Variants in LIN37 observed in about 807,000 individuals in gnomAD.
LIN37 encodes lin-37 DREAM MuvB core complex component.
LIN37 carries 21 observed loss-of-function variants against 38.0 expected under a neutral mutation model. The ratio of observed to expected loss-of-function variants is 0.55; its 90% CI spans 0.39 to 0.80. The LOEUF (loss-of-function observed/expected upper bound fraction) is 0.80, where lower values mean the gene tolerates loss of function less well. Ranked by LOEUF, LIN37 falls within the 30% of genes least tolerant of loss-of-function variation. The pLI, the probability that LIN37 is intolerant of heterozygous loss-of-function variation, is 0.00. For missense variants in LIN37, 273 were observed against 338.5 expected, an observed-to-expected ratio of 0.81 and a Z score of 1.52; for synonymous variants, 126 against 122.9, an observed-to-expected ratio of 1.03 and a Z score of -0.17.
chr19:35,751,536 A>C (rs1970680857), intron 1 of LIN37, among the ~76,000 whole-genome samples: 1 of 151,838 alleles, frequency 6.6e-6, no homozygotes, highest in Non-Finnish European at 1.5e-5. Context: ...ATAGGAATAA[A>C]AATCATATCT....
At chr19:35,748,938 G>A (rs1970641031) in intron 1 of LIN37, 180 bp downstream of exon 1, 2 of 1,490,196 alleles carry the variant, frequency 1.3e-6, no homozygotes, top group Admixed American at 4.2e-5. Context: ...GTGTGCGCTT[G>A]AAGTCGCTTT....
intron 1 of LIN37, among the ~76,000 whole-genome samples, chr19:35,750,136 G>T (rs1432575261): frequency 2.6e-5 from 4 of 151,962 alleles, no homozygotes; most frequent in African/African-American, 9.7e-5. Flanking sequence ...GAGGCCTAGT[G>T]GACAGGCCAT....
At position 35,752,807 on chromosome 19, in the gene LIN37, C is replaced by T. The variant is rs1168535391; in HGVS notation, c.165C>T (p.Asp55=). 41 of 1,609,742 alleles carry T rather than the reference C, an allele frequency of 2.5e-5. No individual in the cohort carries two copies. Among genetic ancestry groups the T allele is most frequent in the Non-Finnish European group, 3.5e-5 (41 of 1,178,272 alleles). ...GGTCAACTGTCTTTCCCCACAGGGACTGCTCCATCGCAGCCACTGGCAAAA... is the reference window on the plus strand; with the variant it reads ...GGTCAACTGTCTTTCCCCACAGGGATTGCTCCATCGCAGCCACTGGCAAAA... The part of the protein sequence containing the change: ...GKTPSDTHNK[D]CSIAATGKRP... Residue 55 remains aspartate, a synonymous_variant, in exon 4 of 9, where the codon GAC becomes GAT. Coordinates refer to ENST00000301159, the MANE Select transcript of LIN37 (RefSeq NM_019104.3).
intron 6 of LIN37, chr19:35,753,757 C>T: frequency 3.5e-6 from 2 of 570,558 alleles, no homozygotes; most frequent in Non-Finnish European, 6.3e-6. Flanking sequence ...TTCCCTGAGG[C>T]AGGCAGACGC....
chr19:35,751,327 C>G (rs1385513865), intron 1 of LIN37, among the ~76,000 whole-genome samples: 1 of 152,124 alleles, frequency 6.6e-6, no homozygotes, highest in Admixed American at 6.6e-5. Context: ...TCTCACAAAA[C>G]AGAAATACAT....
intron 1 of LIN37, 185 bp downstream of exon 1, chr19:35,748,943 C>T (rs1468080476): frequency 6.2e-5 from 92 of 1,478,078 alleles, no homozygotes; most frequent in Non-Finnish European, 7.6e-5. Flanking sequence ...CGCTTGAAGT[C>T]GCTTTGAGAT....
intron 3 of LIN37, 62 bp downstream of exon 3, chr19:35,752,546 C>T (rs1247376705): frequency 1.4e-5 from 21 of 1,547,428 alleles, no homozygotes; most frequent in Non-Finnish European, 1.7e-5. Flanking sequence ...TTTCCTTATC[C>T]AAGCCCTGAC....
chr19:35,752,765 AC>A, intron 3 of LIN37, 38 bp from the exon 4 acceptor site: 1 of 1,604,002 alleles, frequency 6.2e-7, no homozygotes, highest in Non-Finnish European at 8.5e-7. Flanking sequence ...AGGGTTTTGC[AC>A]AGGCGTTTGT....
intron 6 of LIN37, chr19:35,753,565 A>G: frequency 1.9e-6 from 1 of 526,922 alleles, no homozygotes; most frequent in Non-Finnish European, 3.4e-6. Context: ...TACAGACAGA[A>G]GTGGCCACCA....
rs775578498 is a variant in LIN37, at chr19:35,752,938, G to A, written c.216G>A (p.Gln72=). ...GKRPSARFPH[Q]RRKKRREMDD... is the part of the protein sequence containing the mutation. ...GGCCATCTGCCCGCTTCCCCCACCA[G>A]CGGAGGAAGAAGAGGAGGGAGATGG... Residue 72 remains glutamine, a synonymous_variant, in exon 5 of 9, where the codon CAG becomes CAA. Coordinates refer to ENST00000301159, the MANE Select transcript of LIN37 (RefSeq NM_019104.3). 1.3e-6 allele frequency: 2 copies of A among 1,573,698 alleles called. No individual in the cohort carries two copies. Among genetic ancestry groups the A allele is most frequent in the African/African-American group, 2.7e-5 (2 of 73,860 alleles).
In LIN37 at chr19:35,753,240, C is replaced by T. The variant is rs972713262; in HGVS notation, c.431C>T (p.Pro144Leu). The T allele has an allele frequency of 2.6e-6, 4 of 1,550,642 alleles. No individual in the cohort carries two copies. Among genetic ancestry groups the T allele is most frequent in the Non-Finnish European group, 3.5e-6 (4 of 1,148,434 alleles). ...CCCAGCTCACCCCTGCCCCCGCTGC[C>T]TGAGGATGAGGAGGTGGGATGGGTA... ...CSPSSPLPPL[P>L]EDEEGSEVTN... is the part of the protein sequence containing the mutation. Residue 144 changes from proline (P) to leucine (L), a missense_variant, in exon 6 of 9, where the codon CCT becomes CTT. Coordinates refer to ENST00000301159, the MANE Select transcript of LIN37 (RefSeq NM_019104.3).
intron 1 of LIN37, 60 bp downstream of exon 1, chr19:35,748,818 C>G (rs1255274443): frequency 3.1e-6 from 5 of 1,612,572 alleles, no homozygotes; most frequent in East Asian, 4.5e-5. Context: ...TGTGGAGTCC[C>G]GGTGGAAGGG....
Position 35,754,022 on chromosome 19 carries a change from A to G in LIN37, c.450A>G (p.Ser150=), listed in dbSNP as rs1337302969. 11 of 1,613,338 alleles carry G rather than the reference A, an allele frequency of 6.8e-6. No individual in the cohort carries two copies. Among genetic ancestry groups the G allele is most frequent in the Non-Finnish European group, 9.3e-6 (11 of 1,179,796 alleles). Residue 150 remains serine (S), a synonymous_variant, in exon 7 of 9, where the codon TCA becomes TCG. Coordinates refer to ENST00000301159, the MANE Select transcript of LIN37 (RefSeq NM_019104.3). ...LPPLPEDEEG[S]EVTNSKSRDV... ...TGGGGCCCTTGTGTCCCCAGGGCTC[A>G]GAGGTAACCAACAGCAAGAGTCGTG...
intron 1 of LIN37, among the ~76,000 whole-genome samples, chr19:35,750,980 A>C (rs980034564): frequency 4.8e-4 from 72 of 151,024 alleles, no homozygotes; most frequent in African/African-American, 1.6e-3. Flanking sequence ...AAAAGAAAGA[A>C]ATCTCCCAAT....
chr19:35,748,642 C>G lies in LIN37; in HGVS notation c.-83C>G. On this transcript the variant is annotated 5_prime_UTR_variant, in exon 1 of 9. Transcript: ENST00000301159. ...CCCACGAAGCTCATCTTTGAACTGT[C>G]CCCGCCTTCTCCCGCCTTGACTTGT... is the stretch of plus-strand genomic sequence containing the variant. The G allele has an allele frequency of 1.8e-5, 28 of 1,590,712 alleles. No homozygotes were observed. The highest frequency in any genetic ancestry group is 2.3e-5 in the Non-Finnish European group (27 of 1,159,100).
Position 35,752,793 on chromosome 19 carries a change from T to C in LIN37, c.162-11T>C. 6.2e-7 allele frequency: 1 copy of C among 1,609,046 alleles called. No individual in the cohort carries two copies. Among genetic ancestry groups the C allele is most frequent in the Non-Finnish European group, 8.5e-7 (1 of 1,178,134 alleles). The stretch of plus-strand genomic sequence containing the variant: ...GGCGTTTGTCTGAGGGTCAACTGTC[T>C]TTCCCCACAGGGACTGCTCCATCGC... On this transcript the variant is annotated splice_polypyrimidine_tract_variant and intron_variant, in intron 3 of 8. Coordinates refer to ENST00000301159, the MANE Select transcript of LIN37 (RefSeq NM_019104.3).
chr19:35,751,614 G>A (rs903606555), intron 1 of LIN37, among the ~76,000 whole-genome samples: 9 of 152,094 alleles, frequency 5.9e-5, no homozygotes, highest in Admixed American at 3.3e-4. Context: ...CAGCAGGACC[G>A]CTTGAGCCCA....
At chr19:35,753,921 C>A in intron 6 of LIN37, 96 bp from the exon 7 acceptor site, 1 of 1,423,776 alleles carries the variant, frequency 7.0e-7, no homozygotes, top group Non-Finnish European at 9.7e-7. Context: ...CCCCTCATGC[C>A]ATTTGTTGCT....
In LIN37 at chr19:35,754,061, G is replaced by A. The variant is rs765556044; in HGVS notation, c.489G>A (p.Leu163=). Reference sequence around the variant, plus strand: ...GCAAGAGTCGTGATGTGTACAAGCTGCCGCCACCCACACCCCCGGGGCCAC... The same window carrying A: ...GCAAGAGTCGTGATGTGTACAAGCTACCGCCACCCACACCCCCGGGGCCAC... ...TNSKSRDVYK[L]PPPTPPGPPG... is the part of the protein sequence containing the mutation. Residue 163 remains leucine (L), a synonymous_variant, in exon 7 of 9, where the codon CTG becomes CTA. Coordinates refer to ENST00000301159, the MANE Select transcript of LIN37 (RefSeq NM_019104.3). 1.7e-5 allele frequency: 27 copies of A among 1,613,712 alleles called. No individual in the cohort carries two copies. The highest frequency in any genetic ancestry group is 2.3e-5 in the Non-Finnish European group (27 of 1,179,878).
Sources: gnomAD v4.1 joint callset for allele counts (sites outside exome capture counted in the v4.1 genomes callset) on GRCh38, gnomAD v4.1.1 for gene constraint, MANE v1.5 for transcripts, NCBI Gene and HGNC (gene_info 2026-07-23, HGNC 2026-07-21) for gene names.